The following COL13A1 variants were observed in gnomAD, a reference collection of about 807,000 sequenced individuals.
COL13A1 encodes collagen type XIII alpha 1 chain.
In COL13A1, 89 loss-of-function variants were observed where a neutral mutation model predicts 130.9. The ratio of observed to expected loss-of-function variants is 0.68; its 90% CI spans 0.57 to 0.81. The LOEUF is 0.81. Among genes scored for constraint, COL13A1 ranks in the 30% least tolerant of loss-of-function variants. COL13A1 has a pLI of 0.00. For missense variants in COL13A1, 879 were observed against 934.6 expected (o/e 0.94, Z 0.78); for synonymous variants, 402 against 341.6 (o/e 1.18, Z -1.95).
chr10:69,847,224 G>T (rs1043318805), intron 2 of COL13A1, among the ~76,000 whole-genome samples: 19 of 152,142 alleles, frequency 1.2e-4, no homozygotes, highest in Non-Finnish European at 1.5e-4. Flanking sequence ...GAAAATTGAG[G>T]CTCAGAGAAG....
At position 69,875,156 on chromosome 10, in the gene COL13A1, G is replaced by T. The variant is rs752673133; in HGVS notation, c.428G>T (p.Gly143Val). The stretch of plus-strand genomic sequence containing the variant: ...GACAAAGGTGCCATTGGGATGCCTG[G>T]ACGTGTGGTGAGTTGGCCCGTTTGT... ...PGDKGAIGMP[G>V]RVGVKGQPGE... is the part of the protein sequence containing the mutation. Residue 143 changes from glycine to valine, a missense_variant, in exon 5 of 41, where the codon GGA (glycine) becomes GTA (valine). By Grantham distance (109) the Gly-to-Val change is moderately radical. Around this residue, in one of 3 missense-constraint regions of COL13A1, gnomAD observed 715 missense variants for 721.0 expected, o/e 0.99. Coordinates refer to ENST00000645393, the MANE Select transcript of COL13A1 (RefSeq NM_001368882.1). 10 of 1,613,856 alleles carry T rather than the reference G, an allele frequency of 6.2e-6. No homozygotes were observed. The highest frequency in any genetic ancestry group is 5.0e-5 in the Admixed American group (3 of 60,004).
At chr10:69,896,998 G>A (rs1391902265) in intron 13 of COL13A1, among the ~76,000 whole-genome samples, 2 of 152,228 alleles carry the variant, frequency 1.3e-5, no homozygotes, top group African/African-American at 2.4e-5. Context: ...CTTTGGTAGT[G>A]TGTCTCCCGT....
intron 2 of COL13A1, among the ~76,000 whole-genome samples, chr10:69,854,688 C>T (rs1433555114): frequency 1.3e-5 from 2 of 152,032 alleles, no homozygotes; most frequent in African/African-American, 2.4e-5. Context: ...ATGCCAAGTA[C>T]GTTTCCTCAC....
intron 4 of COL13A1, 58 bp from the exon 5 acceptor site, chr10:69,875,070 T>C: frequency 6.2e-7 from 1 of 1,612,452 alleles, no homozygotes; most frequent in Non-Finnish European, 8.5e-7. Flanking sequence ...TATAGGGTCC[T>C]TCACATGCTA....
intron 40 of COL13A1, 60 bp downstream of exon 40, chr10:69,957,102 A>G: frequency 7.0e-7 from 1 of 1,425,678 alleles, no homozygotes; most frequent in Non-Finnish European, 9.9e-7. Flanking sequence ...TAAAGCTTCC[A>G]CAATTTCCAT....
At chr10:69,872,993 G>A (rs1432796687) in intron 4 of COL13A1, among the ~76,000 whole-genome samples, 1 of 152,178 alleles carries the variant, frequency 6.6e-6, no homozygotes, top group Non-Finnish European at 1.5e-5. Flanking sequence ...GCTCTGTGGA[G>A]TCTAGCCTGG....
intron 2 of COL13A1, among the ~76,000 whole-genome samples, chr10:69,830,433 C>T (rs1402615241): frequency 6.6e-6 from 1 of 152,214 alleles, no homozygotes; most frequent in Non-Finnish European, 1.5e-5. Flanking sequence ...GACCTTCAGA[C>T]TCAGCAATTC....
intron 2 of COL13A1, among the ~76,000 whole-genome samples, chr10:69,839,800 G>A (rs1359142609): frequency 2.0e-5 from 3 of 152,222 alleles, no homozygotes; most frequent in South Asian, 2.1e-4. Context: ...AGAGAGCAGA[G>A]AGAGAGCTCA....
At chr10:69,877,450 A>T (rs2134214962) in intron 5 of COL13A1, 1 of 152,632 alleles carries the variant, frequency 6.6e-6, no homozygotes, top group Admixed American at 6.5e-5. Flanking sequence ...CTAGCTTGGC[A>T]AAGCTTTGTT....
At chr10:69,931,203 A>C (rs1207428517) in intron 30 of COL13A1, 1 of 456,080 alleles carries the variant, frequency 2.2e-6, no homozygotes, top group Admixed American at 2.3e-5. Flanking sequence ...TGGTGGCCAG[A>C]GCAGACCCAG....
rs756030390 is a variant in COL13A1, at chr10:69,923,840, G to T, written c.1269G>T (p.Gly423=). ...TCGATGGCCAGGTTGGCCCCCCAGG[G>T]CAGCCAGGAGACAAGGTACAGAGAC... The part of the protein sequence containing the change: ...AGVDGQVGPP[G]QPGDKGERGA... The change falls in exon 24 of 41, where the codon GGG becomes GGT. Residue 423 remains glycine, a synonymous_variant. Coordinates refer to ENST00000645393, the MANE Select transcript of COL13A1 (RefSeq NM_001368882.1). 5.6e-6 allele frequency: 9 copies of T among 1,611,834 alleles called. No individual in the cohort carries two copies. The highest frequency in any genetic ancestry group is 3.3e-5 in the South Asian group (3 of 90,264).
chr10:69,804,668 T>A (rs181832295), intron 1 of COL13A1, among the ~76,000 whole-genome samples: 23 of 149,630 alleles, frequency 1.5e-4, no homozygotes, highest in African/African-American at 5.4e-4. Flanking sequence ...TTTTTTGGCC[T>A]ATTCTCATTC....
At chr10:69,949,714 C>T (rs1456835858) in intron 38 of COL13A1, among the ~76,000 whole-genome samples, 1 of 152,172 alleles carries the variant, frequency 6.6e-6, no homozygotes, top group Non-Finnish European at 1.5e-5. Flanking sequence ...CCCTAAGTAG[C>T]TCTGTGAATT....
At chr10:69,892,295 C>T (rs548545959) in intron 10 of COL13A1, among the ~76,000 whole-genome samples, 12 of 152,304 alleles carry the variant, frequency 7.9e-5, no homozygotes, top group Admixed American at 2.0e-4. Flanking sequence ...CCTCCACTGG[C>T]GTCCCACTGG....
At chr10:69,939,055 G>C (rs1463347209) in intron 34 of COL13A1, among the ~76,000 whole-genome samples, 1 of 152,170 alleles carries the variant, frequency 6.6e-6, no homozygotes, top group Non-Finnish European at 1.5e-5. Context: ...GAAAGACAAA[G>C]TACCTACTCT....
chr10:69,935,448 TC>T, intron 32 of COL13A1, 57 bp downstream of exon 32: 1 of 1,316,996 alleles, frequency 7.6e-7, no homozygotes, highest in Non-Finnish European at 1.0e-6. Flanking sequence ...TCCACAGCAG[TC>T]ACTGGGCTCA....
chr10:69,870,596 C>A (rs1050507219), intron 3 of COL13A1, among the ~76,000 whole-genome samples: 6 of 151,858 alleles, frequency 4.0e-5, no homozygotes, highest in Admixed American at 3.9e-4. Context: ...GCTGGGTAAA[C>A]CTTACATTTT....
At chr10:69,951,832 A>G (rs971375630) in intron 38 of COL13A1, among the ~76,000 whole-genome samples, 2 of 152,234 alleles carry the variant, frequency 1.3e-5, no homozygotes, top group Admixed American at 6.5e-5. Flanking sequence ...CCCTGGAGTG[A>G]CACAGTTGAA....
At chr10:69,858,915 T>G (rs1463447802) in intron 2 of COL13A1, among the ~76,000 whole-genome samples, 1 of 152,228 alleles carries the variant, frequency 6.6e-6, no homozygotes, top group Non-Finnish European at 1.5e-5. Flanking sequence ...ATTACTTAAC[T>G]TCTCTGCACA....
Sources: allele counts gnomAD v4.1 joint callset (sites outside exome capture counted in the v4.1 genomes callset), GRCh38; gene constraint gnomAD v4.1.1; regional missense constraint gnomAD v4.1.1; transcripts MANE v1.5; gene names NCBI Gene and HGNC (gene_info 2026-07-23, HGNC 2026-07-21).